OTOG: variants seen among roughly 807,000 people sequenced by gnomAD.
OTOG encodes the protein otogelin.
Under a neutral mutation model 313.8 loss-of-function variants are expected in OTOG, and 296 were observed. The ratio of observed to expected loss-of-function variants is 0.94; its 90% CI spans 0.86 to 1.04. The LOEUF is 1.04. Among genes scored for constraint, OTOG ranks in the 50% least tolerant of loss-of-function variants. OTOG has a pLI of 0.00. For synonymous variants in OTOG, 1,533 were observed against 1,554.9 expected, an observed-to-expected ratio of 0.99 and a Z score of 0.33; for missense variants, 3,948 against 3,840.1, an observed-to-expected ratio of 1.03 and a Z score of -0.74.
intron 11 of OTOG, 61 bp downstream of exon 11, chr11:17,559,222 C>T (rs1266131077): frequency 2.4e-6 from 3 of 1,250,784 alleles, no homozygotes; most frequent in Non-Finnish European, 3.3e-6. Context: ...ATTCTCAGGC[C>T]TCAGCTCAAT....
intron 3 of OTOG, among the ~76,000 whole-genome samples, chr11:17,549,622 T>G (rs761536313): frequency 6.6e-6 from 1 of 152,218 alleles, no homozygotes; most frequent in Non-Finnish European, 1.5e-5. Flanking sequence ...AGCCAGGCCG[T>G]GCATACAGGA....
Position 17,634,058 on chromosome 11 carries a change from C to T in OTOG, c.7268-11C>T. ...CCTCAGTCCCTCGCACCCTGCCATT[C>T]CCCTCTGCAGCCTGCACTGACAGCA... On this transcript the variant is annotated splice_polypyrimidine_tract_variant and intron_variant, in intron 43 of 55. Transcript: ENST00000399397. 1.3e-6 allele frequency: 2 copies of T among 1,540,088 alleles called. No individual in the cohort carries two copies. The highest frequency in any genetic ancestry group is 1.7e-6 in the Non-Finnish European group (2 of 1,144,682).
intron 48 of OTOG, chr11:17,638,768 A>C: frequency 6.5e-7 from 1 of 1,534,030 alleles, no homozygotes; most frequent in South Asian, 1.2e-5. Flanking sequence ...AGGAAAAAGC[A>C]AGTTTCCCAT....
rs1565104525 is a variant in OTOG at position 17,586,552 on chromosome 11, G to A, written c.2838G>A (p.Gly946=). The A allele has an allele frequency of 7.0e-7, 1 of 1,427,992 alleles. No individual in the cohort carries two copies. The highest frequency in any genetic ancestry group is 2.9e-5 in the East Asian group (1 of 34,304). 88.5% of individuals were successfully genotyped at this position (1,427,992 alleles called of 1,614,324 possible). A position where few individuals can be genotyped will look rare whatever the true frequency, so the allele number is the denominator to read the frequency against. The change falls in exon 24 of 56, where the codon GGG becomes GGA. Residue 946 remains glycine (G), a synonymous_variant. Coordinates refer to ENST00000399397, the MANE Select transcript of OTOG (RefSeq NM_001292063.2). ...CTWKGKEYFP[G]DQVMSPCHTC... is the part of the protein sequence containing the mutation. The stretch of plus-strand genomic sequence containing the variant: ...GGAAGGGGAAGGAGTATTTCCCTGG[G>A]GACCAGGTGATGTCTCCTTGCCATA...
At chr11:17,576,409 G>C in intron 20 of OTOG, 147 bp from the exon 21 acceptor site, 2 of 674,590 alleles carry the variant, frequency 3.0e-6, no homozygotes, top group Non-Finnish European at 5.3e-6. Flanking sequence ...CTGCTCACTG[G>C]AGATGTGTCA....
intron 23 of OTOG, among the ~76,000 whole-genome samples, chr11:17,581,153 C>T (rs770663557): frequency 2.0e-5 from 3 of 152,108 alleles, no homozygotes; most frequent in Non-Finnish European, 4.4e-5. Context: ...CAGCAGTTCA[C>T]CCTGAAGTGT....
intron 15 of OTOG, among the ~76,000 whole-genome samples, chr11:17,565,538 G>T (rs1852278465): frequency 1.3e-5 from 2 of 152,018 alleles, no homozygotes; most frequent in Admixed American, 6.6e-5. Context: ...AGTCACTATG[G>T]GCAACCCACA....
chr11:17,641,862 C>T lies in OTOG; in HGVS notation c.8206C>T (p.His2736Tyr), dbSNP rs752900573. The T allele has an allele frequency of 2.3e-4, 352 of 1,549,892 alleles. 2 individuals are homozygous for T. Among genetic ancestry groups the T allele is most frequent in the Non-Finnish European group, 3.0e-4 (345 of 1,146,704 alleles). Residue 2736 changes from histidine to tyrosine, a missense_variant, in exon 52 of 56, where the codon CAC becomes TAC. Transcript: ENST00000399397. Reference protein sequence around the residue: ...IHCEANQEYEHPRDLAACCGS... With the variant: ...IHCEANQEYEYPRDLAACCGS... Reference sequence around the variant, plus strand: ...TGGCCTGTAGAACCAGGAGTACGAGCACCCGCGGGACCTCGCTGCCTGCTG... The same window carrying T: ...TGGCCTGTAGAACCAGGAGTACGAGTACCCGCGGGACCTCGCTGCCTGCTG...
At chr11:17,562,614 A>G (rs1204905707) in intron 15 of OTOG, among the ~76,000 whole-genome samples, 4 of 152,246 alleles carry the variant, frequency 2.6e-5, no homozygotes, top group African/African-American at 9.6e-5. Context: ...GCTCAAAACA[A>G]TGTTAGAAAG....
chr11:17,587,592 C>G (rs1212894628), intron 24 of OTOG, among the ~76,000 whole-genome samples: 1 of 152,172 alleles, frequency 6.6e-6, no homozygotes, highest in Non-Finnish European at 1.5e-5. Context: ...CCCTGTTTCT[C>G]TGGCCTAGAG....
chr11:17,560,527 CT>C (rs1852157719), intron 12 of OTOG, among the ~76,000 whole-genome samples, 181 bp from the exon 13 acceptor site: 1 of 152,102 alleles, frequency 6.6e-6, no homozygotes, highest in Admixed American at 6.5e-5. Context: ...GGGTGGGATT[CT>C]TTCATCAGAA....
chr11:17,613,245 TTC>T (rs776669588), intron 38 of OTOG, among the ~76,000 whole-genome samples: 1 of 116,090 alleles, frequency 8.6e-6, no homozygotes. Flanking sequence ...CTTTCTTTCT[TTC>T]TTTCTTTCTT....
chr11:17,620,422 C>A (rs571883610), intron 39 of OTOG, among the ~76,000 whole-genome samples: 1 of 152,274 alleles, frequency 6.6e-6, no homozygotes, highest in African/African-American at 2.4e-5. Context: ...ATCAATGCTT[C>A]ATTTATTTTT....
chr11:17,629,105 C>G (rs944801623), intron 39 of OTOG, 28 bp from the exon 40 acceptor site: 5 of 1,540,068 alleles, frequency 3.2e-6, no homozygotes, highest in African/African-American at 2.7e-5. Flanking sequence ...GATGGACAAG[C>G]TGTGCTCACA....
At chr11:17,607,152 G>A (rs1342128845) in intron 33 of OTOG, among the ~76,000 whole-genome samples, 2 of 152,250 alleles carry the variant, frequency 1.3e-5, no homozygotes, top group Non-Finnish European at 2.9e-5. Context: ...TGTGTCTCGC[G>A]GGCTTTGCCT....
intron 34 of OTOG, 84 bp downstream of exon 34, chr11:17,608,497 T>A: frequency 1.1e-6 from 1 of 935,120 alleles, no homozygotes; most frequent in Non-Finnish European, 1.5e-6. Context: ...TGTATGAGTG[T>A]TTCATATGTT....
intron 21 of OTOG, 34 bp from the exon 22 acceptor site, chr11:17,576,834 G>A (rs1420013796): frequency 6.5e-7 from 1 of 1,549,356 alleles, no homozygotes; most frequent in Admixed American, 2.0e-5. Flanking sequence ...CAGTGACTGG[G>A]TCGGCTAACC....
intron 31 of OTOG, among the ~76,000 whole-genome samples, chr11:17,600,296 G>A (rs774395558): frequency 6.6e-6 from 1 of 152,018 alleles, no homozygotes; most frequent in African/African-American, 2.4e-5. Context: ...GGGTGGGTGG[G>A]GTAGAGAAGG....
chr11:17,600,354 G>A (rs1457025355), intron 31 of OTOG, among the ~76,000 whole-genome samples: 1 of 152,316 alleles, frequency 6.6e-6, no homozygotes, highest in East Asian at 1.9e-4. Flanking sequence ...AGTTGGGCCA[G>A]GGTCAGACCT....
Sources: gnomAD v4.1 joint callset for allele counts (sites outside exome capture counted in the v4.1 genomes callset) on GRCh38, gnomAD v4.1.1 for gene constraint, MANE v1.5 for transcripts, NCBI Gene and HGNC (gene_info 2026-07-23, HGNC 2026-07-21) for gene names.